NFKB1: variants seen among roughly 807,000 people sequenced by gnomAD.
NFKB1 encodes the protein nuclear factor NF-kappa-B p105 subunit.
In NFKB1, 9 loss-of-function variants were observed where a neutral mutation model predicts 105.1. The ratio of observed to expected loss-of-function variants is 0.09; its 90% confidence interval spans 0.05 to 0.15. The LOEUF (loss-of-function observed/expected upper bound fraction) is 0.15. Ranked by LOEUF, NFKB1 falls within the 10% of genes least tolerant of loss-of-function variation. The probability of loss-of-function intolerance (pLI) is 1.00; values close to 1 mark genes in which losing one functional copy is unlikely to be tolerated. For missense variants in NFKB1, 830 were observed against 1,203.7 expected (o/e 0.69, Z 4.59); for synonymous variants, 440 against 442.2 (o/e 1.00, Z 0.06).
chr4:102,607,103 T>G, intron 17 of NFKB1, 47 bp from the exon 18 acceptor site: 24 of 1,592,080 alleles, frequency 1.5e-5, no homozygotes, highest in East Asian at 4.5e-5. Context: ...GGCCATCTTG[T>G]GAGTTAGCCA....
intron 2 of NFKB1, among the ~76,000 whole-genome samples, chr4:102,528,269 G>A (rs1484503599): frequency 1.3e-5 from 2 of 152,060 alleles, no homozygotes; most frequent in Non-Finnish European, 2.9e-5. Flanking sequence ...TTAAAATCCT[G>A]TATGAAATGA....
intron 5 of NFKB1, among the ~76,000 whole-genome samples, chr4:102,553,325 T>G (rs1243032190): frequency 2.6e-5 from 4 of 152,172 alleles, no homozygotes; most frequent in African/African-American, 9.6e-5. Context: ...TGAGGGTGGT[T>G]GTATACCTTT....
In NFKB1 at chr4:102,582,966, TTTATTA is replaced by T. The variant is rs763086308; in HGVS notation, c.927+19_927+24del. ...CAGATGTTCATAGACAAGTAAGTGATTTATTATTATTATTAATCCTTATTATTTTTA... is the reference window on the plus strand; with the variant it reads ...CAGATGTTCATAGACAAGTAAGTGATTTATTATTAATCCTTATTATTTTTA... On this transcript the variant is annotated intron_variant, in intron 10 of 23. Transcript: ENST00000226574. 6.4e-7 allele frequency: 1 copy of T among 1,553,020 alleles called. No homozygotes were observed. The highest frequency in any genetic ancestry group is 1.1e-5 in the South Asian group (1 of 89,052).
At chr4:102,507,381 T>G (rs2149094881) in intron 1 of NFKB1, among the ~76,000 whole-genome samples, 1 of 152,336 alleles carries the variant, frequency 6.6e-6, no homozygotes, top group South Asian at 2.1e-4. Flanking sequence ...TAGAAATGTA[T>G]GGACAATTCA....
intron 5 of NFKB1, among the ~76,000 whole-genome samples, chr4:102,560,628 C>T (rs538459009): frequency 1.3e-5 from 2 of 152,160 alleles, no homozygotes; most frequent in South Asian, 4.2e-4. Flanking sequence ...TTCATGCCAT[C>T]CCCTACCTTA....
chr4:102,579,705 A>G (rs572390622), intron 8 of NFKB1, among the ~76,000 whole-genome samples: 7 of 149,952 alleles, frequency 4.7e-5, no homozygotes, highest in Non-Finnish European at 1.0e-4. Context: ...ACTTTTTAAG[A>G]GTTTTACAGT....
intron 5 of NFKB1, among the ~76,000 whole-genome samples, chr4:102,541,511 A>G (rs1227325899): frequency 6.6e-6 from 1 of 152,210 alleles, no homozygotes; most frequent in Non-Finnish European, 1.5e-5. Flanking sequence ...GTATTCTGTG[A>G]TGACCCTAAA....
At chr4:102,520,817 C>T (rs570491503) in intron 1 of NFKB1, among the ~76,000 whole-genome samples, 58 of 152,194 alleles carry the variant, frequency 3.8e-4, no homozygotes, top group African/African-American at 1.3e-3. Flanking sequence ...TTCAGTAGTG[C>T]TTAGAAGTTT....
intron 4 of NFKB1, among the ~76,000 whole-genome samples, chr4:102,535,222 G>A (rs1055233438): frequency 3.9e-5 from 6 of 152,080 alleles, no homozygotes; most frequent in Non-Finnish European, 8.8e-5. Context: ...TTAAGATCTA[G>A]GTAGTCTATG....
At chr4:102,601,617 A>G (rs1462190309) in intron 16 of NFKB1, among the ~76,000 whole-genome samples, 1 of 152,228 alleles carries the variant, frequency 6.6e-6, no homozygotes, top group Non-Finnish European at 1.5e-5. Flanking sequence ...TGTTTTTTCC[A>G]GAGGTCTTCC....
intron 22 of NFKB1, among the ~76,000 whole-genome samples, 160 bp downstream of exon 22, chr4:102,612,766 A>G (rs114122549): frequency 6.6e-6 from 1 of 152,252 alleles, no homozygotes; most frequent in Non-Finnish European, 1.5e-5. Flanking sequence ...TTGGCAGCCC[A>G]TCTTCCTGAG....
Position 102,616,442 on chromosome 4 carries a change from C to T in NFKB1, c.2758C>T (p.Arg920Ter). The part of the protein sequence containing the change: ...ASTRQQIDEL[R>*]DSDSVCDSGV... ...GTGCTTTCTCCCCTCAGACGAGCTC[C>T]GAGACAGTGACAGTGTCTGCGACAG... Residue 920 changes from arginine to a stop codon, truncating the protein, a stop_gained, in exon 24 of 24, where the codon CGA becomes TGA. Coordinates refer to ENST00000226574, the MANE Select transcript of NFKB1 (RefSeq NM_003998.4). LOFTEE classifies it high-confidence loss of function. 6.2e-7 allele frequency: 1 copy of T among 1,613,964 alleles called. No individual in the cohort carries two copies. Among genetic ancestry groups the T allele is most frequent in the Non-Finnish European group, 8.5e-7 (1 of 1,179,976 alleles).
chr4:102,570,515 G>C (rs1724250797), intron 6 of NFKB1, among the ~76,000 whole-genome samples: 1 of 152,116 alleles, frequency 6.6e-6, no homozygotes, highest in South Asian at 2.1e-4. Flanking sequence ...TACTGCCGCA[G>C]TGAACATTAA....
At chr4:102,602,838 A>G (rs937620762) in intron 16 of NFKB1, among the ~76,000 whole-genome samples, 12 of 151,964 alleles carry the variant, frequency 7.9e-5, no homozygotes, top group African/African-American at 2.9e-4. Flanking sequence ...AAACTTTCAT[A>G]CCGTTTTGGG....
chr4:102,589,824 G>T (rs1253592018), intron 11 of NFKB1, among the ~76,000 whole-genome samples: 1 of 151,986 alleles, frequency 6.6e-6, no homozygotes, highest in Non-Finnish European at 1.5e-5. Flanking sequence ...CCCAAAAAAA[G>T]AGAAGAAAGG....
chr4:102,608,102 A>G (rs1378435458), intron 19 of NFKB1, among the ~76,000 whole-genome samples: 1 of 152,244 alleles, frequency 6.6e-6, no homozygotes, highest in African/African-American at 2.4e-5. Context: ...AGAAGGCCCC[A>G]GAAGAAAAAG....
chr4:102,570,864 C>T (rs1277717514), intron 6 of NFKB1, among the ~76,000 whole-genome samples: 1 of 152,170 alleles, frequency 6.6e-6, no homozygotes, highest in Admixed American at 6.5e-5. Flanking sequence ...ACATTCCATG[C>T]TCATGGATAG....
chr4:102,544,486 T>G (rs1373855916), intron 5 of NFKB1, among the ~76,000 whole-genome samples: 1 of 152,128 alleles, frequency 6.6e-6, no homozygotes, highest in Admixed American at 6.6e-5. Flanking sequence ...AGCTCACCAT[T>G]AGTGATTGAA....
Position 102,501,389 on chromosome 4 carries a change from G to C in NFKB1, c.-407G>C, listed in dbSNP as rs1578689318. The C allele has an allele frequency of 2.0e-5, 3 of 151,672 alleles. No individual in the cohort carries two copies. The East Asian group carries it at 5.8e-4, about 29-fold the overall frequency. The allele number at this position is 151,672 out of a possible 1,614,324, so 9.4% of individuals were successfully genotyped here. On this transcript the variant is annotated 5_prime_UTR_variant, in exon 1 of 24. Coordinates refer to ENST00000226574, the MANE Select transcript of NFKB1 (RefSeq NM_003998.4). The stretch of plus-strand genomic sequence containing the variant: ...GCACCAGCGAGCCGGGGCAGGAAGA[G>C]GAGGTTTCGCCACCGGAGCGGCCCG...
Sources: allele counts gnomAD v4.1 joint callset (sites outside exome capture counted in the v4.1 genomes callset), GRCh38; gene constraint gnomAD v4.1.1; transcripts MANE v1.5; gene names NCBI Gene and HGNC (gene_info 2026-07-23, HGNC 2026-07-21).